The following SLFN14 variants were observed in gnomAD, a reference collection of about 807,000 sequenced individuals.
SLFN14 encodes protein SLFN14.
SLFN14 carries 47 observed loss-of-function variants against 58.6 expected under a neutral mutation model. The observed-to-expected ratio is 0.80, with a 90% CI of 0.64 to 1.02. The LOEUF is 1.02. Among genes scored for constraint, SLFN14 ranks in the 50% least tolerant of loss-of-function variants. SLFN14 has a pLI of 0.00. For synonymous variants in SLFN14, 390 were observed against 387.3 expected (o/e 1.01, Z -0.08); for missense variants, 967 against 1,078.4 (o/e 0.90, Z 1.45).
At position 35,548,641 on chromosome 17, in the gene SLFN14, C is replaced by G. The variant is rs2072555067; in HGVS notation, c.2337G>C (p.Leu779=). The G allele has an allele frequency of 6.4e-7, 1 of 1,551,772 alleles. No individual in the cohort carries two copies. Among genetic ancestry groups the G allele is most frequent in the Non-Finnish European group, 8.7e-7 (1 of 1,146,996 alleles). ...AYEEATCAQA[L]PGVCETKTNL... ...TAGTCTTTGTCTCACACACCCCAGG[C>G]AGAGCCTGGGCACACGTTGCTTCCT... is the stretch of plus-strand genomic sequence containing the variant. Residue 779 remains leucine (L), a synonymous_variant, in exon 6 of 6, where the codon CTG becomes CTC. Coordinates refer to ENST00000674182, the MANE Select transcript of SLFN14 (RefSeq NM_001129820.2).
chr17:35,548,098 T>A lies in SLFN14; in HGVS notation c.*141A>T. 1.2e-6 allele frequency: 1 copy of A among 811,032 alleles called. No homozygotes were observed. The highest frequency in any genetic ancestry group is 1.9e-5 in the South Asian group (1 of 53,474). 50.2% of individuals were successfully genotyped at this position (811,032 alleles called of 1,614,324 possible). A position where few individuals can be genotyped will look rare whatever the true frequency, so the allele number is the denominator to read the frequency against. On this transcript the variant is annotated 3_prime_UTR_variant, in exon 6 of 6. Transcript: ENST00000674182. ...ATTGAAATAGAGTGGAAGGCTCAGC[T>A]CCAAGAGACATTTCTGTGGCTCCAG...
Position 35,548,413 on chromosome 17 carries a change from A to G in SLFN14, c.2565T>C (p.Val855=), listed in dbSNP as rs1304376060. ...SEVVFSPATG[V]WGSHIVLDSI... ...TGTCTAAAACAATGTGACTTCCCCA[A>G]ACACCGGTGGCCGGGCTAAACACAA... The change falls in exon 6 of 6, where the codon GTT becomes GTC. Residue 855 remains valine, a synonymous_variant. Transcript: ENST00000674182. 6.4e-6 allele frequency: 10 copies of G among 1,551,566 alleles called. No individual in the cohort carries two copies. Among genetic ancestry groups the G allele is most frequent in the Non-Finnish European group, 7.0e-6 (8 of 1,146,988 alleles).
At chr17:35,549,136 C>T in intron 5 of SLFN14, 63 bp from the exon 6 acceptor site, 17 of 1,292,442 alleles carry the variant, frequency 1.3e-5, no homozygotes, top group Non-Finnish European at 1.7e-5. Context: ...GCAGTCATTA[C>T]TCTCTGGAAT....
intron 5 of SLFN14, among the ~76,000 whole-genome samples, chr17:35,549,551 G>T (rs1386084127): frequency 6.6e-6 from 1 of 152,176 alleles, no homozygotes; most frequent in Non-Finnish European, 1.5e-5. Context: ...TTTAGATTTT[G>T]GTAAGAGAAA....
At chr17:35,560,006 T>C (rs981216859) in intron 1 of SLFN14, among the ~76,000 whole-genome samples, 3 of 152,210 alleles carry the variant, frequency 2.0e-5, no homozygotes, top group African/African-American at 7.2e-5. Flanking sequence ...AAATCTCCTC[T>C]ATAATATTGC....
Position 35,557,339 on chromosome 17 carries a change from AT to A in SLFN14, c.723del (p.Tyr242MetfsTer21). 6.4e-7 allele frequency: 1 copy of A among 1,551,710 alleles called. No individual in the cohort carries two copies. The highest frequency in any genetic ancestry group is 8.7e-7 in the Non-Finnish European group (1 of 1,146,992). ...TTATCATCCACCCCAATGAGGACAT[AT>A]CCCCCTTGAGTGTTGGCAAATGCAG... is the stretch of plus-strand genomic sequence containing the variant. Reference protein sequence around the residue: ...YVSAFANTQGGYVLIGVDDKS... With the variant: ...YVSAFANTQGXYVLIGVDDKS... On this transcript the variant is annotated frameshift_variant, in exon 3 of 6. Coordinates refer to ENST00000674182, the MANE Select transcript of SLFN14 (RefSeq NM_001129820.2). LOFTEE classifies it high-confidence loss of function.
chr17:35,549,781 G>A (rs934702585), intron 5 of SLFN14, among the ~76,000 whole-genome samples: 2 of 152,164 alleles, frequency 1.3e-5, no homozygotes, highest in African/African-American at 4.8e-5. Flanking sequence ...TTTTACATAT[G>A]CAGTTCCTAG....
Position 35,546,510 on chromosome 17 carries a change from C to T in SLFN14, c.*1729G>A, listed in dbSNP as rs1459594278. On this transcript the variant is annotated 3_prime_UTR_variant, in exon 6 of 6. Coordinates refer to ENST00000674182, the MANE Select transcript of SLFN14 (RefSeq NM_001129820.2). Reference sequence around the variant, plus strand: ...TATCTAAAATCATAACCAAAATTTCCACATGTCTCCTGGATTCAAGCCTCC... The same window carrying T: ...TATCTAAAATCATAACCAAAATTTCTACATGTCTCCTGGATTCAAGCCTCC... 6.6e-6 allele frequency among the ~76,000 whole-genome samples: 1 copy of T among 152,178 alleles called. No homozygotes were observed. Among genetic ancestry groups the T allele is most frequent in the Non-Finnish European group, 1.5e-5 (1 of 68,028 alleles).
Position 35,550,330 on chromosome 17 carries a change from G to C in SLFN14, c.1905-1257C>G, listed in dbSNP as rs185167135. Among the ~76,000 whole-genome samples, 909 of 152,316 alleles carry C rather than the reference G, an allele frequency of 6.0e-3. 42 individuals carry two copies. Among genetic ancestry groups the C allele is most frequent in the Admixed American group, 0.054 (831 of 15,300 alleles). On this transcript the variant is annotated intron_variant, in intron 5 of 5. Coordinates refer to ENST00000674182, the MANE Select transcript of SLFN14 (RefSeq NM_001129820.2). The stretch of plus-strand genomic sequence containing the variant: ...CGAGAAGGAGGTGGGCGGATCACCT[G>C]AGGTCAGGAGTTCAAGACCAGCCTG...
At position 35,546,140 on chromosome 17, in the gene SLFN14, C is replaced by T. The variant is rs946944863; in HGVS notation, c.*2099G>A. The stretch of plus-strand genomic sequence containing the variant: ...TAAAATATAGCAATTCCTTGTCCCA[C>T]TCATACTCCTTCATACTCTGTTGAC... On this transcript the variant is annotated 3_prime_UTR_variant, in exon 6 of 6. Transcript: ENST00000674182. Among the ~76,000 whole-genome samples, 6 of 152,160 alleles carry T rather than the reference C, an allele frequency of 3.9e-5. No homozygotes were observed. The highest frequency in any genetic ancestry group is 3.9e-4 in the Admixed American group (6 of 15,278).
rs2072531836 is a variant in SLFN14, at chr17:35,545,999, ACAAAGACTCTCAAATT to A, written c.*2224_*2239del. On this transcript the variant is annotated 3_prime_UTR_variant, in exon 6 of 6. Coordinates refer to ENST00000674182, the MANE Select transcript of SLFN14 (RefSeq NM_001129820.2). The stretch of plus-strand genomic sequence containing the variant: ...AATTGTTTCACTAGACTAAGAACTG[ACAAAGACTCTCAAATT>A]CAATATTTAAAACAATTCTTTACAA... Among the ~76,000 whole-genome samples the A allele has an allele frequency of 6.6e-6, 1 of 152,228 alleles. No individual in the cohort carries two copies.
chr17:35,553,027 G>T lies in SLFN14; in HGVS notation c.1607C>A (p.Ala536Asp), dbSNP rs1376714552. 2.6e-6 allele frequency: 4 copies of T among 1,551,580 alleles called. No homozygotes were observed. ...CAAGTCTTCCATTTCCTCCTCATCAGCAAGCCTGTAGGACCTGGGGTAACG... is the reference window on the plus strand; with the variant it reads ...CAAGTCTTCCATTTCCTCCTCATCATCAAGCCTGTAGGACCTGGGGTAACG... The part of the protein sequence containing the change: ...PLRYPRSYRL[A>D]DEEEMEDLLQ... The change falls in exon 5 of 6, where the codon GCT becomes GAT. Residue 536 changes from alanine to aspartate, a missense_variant. Coordinates refer to ENST00000674182, the MANE Select transcript of SLFN14 (RefSeq NM_001129820.2).
intron 3 of SLFN14, among the ~76,000 whole-genome samples, chr17:35,556,185 A>G (rs1490253957): frequency 6.6e-6 from 1 of 151,844 alleles, no homozygotes; most frequent in Non-Finnish European, 1.5e-5. Flanking sequence ...CTACAGGCAT[A>G]CACCACCACG....
At chr17:35,550,336 A>G (rs1303082740) in intron 5 of SLFN14, among the ~76,000 whole-genome samples, 1 of 152,210 alleles carries the variant, frequency 6.6e-6, no homozygotes, top group Non-Finnish European at 1.5e-5. Context: ...ACCTGAGGTC[A>G]GGAGTTCAAG....
At position 35,548,453 on chromosome 17, in the gene SLFN14, T is replaced by G; in HGVS notation, c.2525A>C (p.His842Pro). ...GCTAAACACAACCTCTGATGGTCTG[T>G]GGGTCTCAATTAATTCCATTGCTTT... is the stretch of plus-strand genomic sequence containing the variant. ...LLKAMELIET[H>P]RPSEVVFSPA... The change falls in exon 6 of 6, where the codon CAC becomes CCC. Residue 842 changes from histidine (H) to proline (P), a missense_variant. Physicochemically the swap from His to Pro is moderately conservative, Grantham distance 77 (BLOSUM62 -2). Transcript: ENST00000674182. 2 of 1,551,714 alleles carry G rather than the reference T, an allele frequency of 1.3e-6. No individual in the cohort carries two copies. Among genetic ancestry groups the G allele is most frequent in the East Asian group, 2.4e-5 (1 of 40,920 alleles).
chr17:35,559,587 A>G (rs977773298), intron 2 of SLFN14, among the ~76,000 whole-genome samples, 140 bp downstream of exon 2: 1 of 152,238 alleles, frequency 6.6e-6, no homozygotes, highest in African/African-American at 2.4e-5. Flanking sequence ...AATATTTCAG[A>G]AAAGATCTGC....
At chr17:35,556,578 A>T (rs1369468403) in intron 3 of SLFN14, among the ~76,000 whole-genome samples, 1 of 152,068 alleles carries the variant, frequency 6.6e-6, no homozygotes, top group East Asian at 1.9e-4. Flanking sequence ...TTGAGGTTAG[A>T]AGTTCAAGAC....
At chr17:35,553,886 C>T (rs1291528828) in intron 4 of SLFN14, among the ~76,000 whole-genome samples, 4 of 152,274 alleles carry the variant, frequency 2.6e-5, no homozygotes, top group Non-Finnish European at 5.9e-5. Context: ...TGAGGTCACC[C>T]GCCTTGGCCT....
intron 5 of SLFN14, among the ~76,000 whole-genome samples, chr17:35,551,456 A>C (rs2072586043): frequency 6.6e-6 from 1 of 152,160 alleles, no homozygotes; most frequent in Admixed American, 6.5e-5. Context: ...ATCTACACTG[A>C]ACAAGATTTA....
Sources: gnomAD v4.1 joint callset for allele counts (sites outside exome capture counted in the v4.1 genomes callset) on GRCh38, gnomAD v4.1.1 for gene constraint, MANE v1.5 for transcripts, NCBI Gene and HGNC (gene_info 2026-07-23, HGNC 2026-07-21) for gene names.